Variants in LMOD1 observed in about 807,000 individuals in gnomAD.
The protein encoded by LMOD1 is leiomodin-1.
Under a neutral mutation model 36.5 loss-of-function variants are expected in LMOD1, and 8 were observed. The observed-to-expected ratio is 0.22, with a 90% CI of 0.13 to 0.40. The LOEUF is 0.40. Ranked by LOEUF, LMOD1 falls within the 10% of genes least tolerant of loss-of-function variation. The pLI, the probability that LMOD1 is intolerant of heterozygous loss-of-function variation, is 1.00. For missense variants in LMOD1, 630 were observed against 751.1 expected (o/e 0.84, Z 1.88); for synonymous variants, 284 against 288.7 (o/e 0.98, Z 0.17).
chr1:201,918,383 T>G (rs573631002), intron 1 of LMOD1, among the ~76,000 whole-genome samples: 1 of 152,306 alleles, frequency 6.6e-6, no homozygotes, highest in Admixed American at 6.5e-5. Context: ...GAAAGACCTT[T>G]CAAAATGTGA....
intron 1 of LMOD1, among the ~76,000 whole-genome samples, chr1:201,941,154 G>C (rs939471610): frequency 4.0e-5 from 6 of 150,210 alleles, no homozygotes; most frequent in African/African-American, 1.5e-4. Context: ...ATGGGGTCTT[G>C]CTATGTTGCC....
chr1:201,898,484 C>A, intron 2 of LMOD1, 86 bp from the exon 3 acceptor site: 3 of 1,192,056 alleles, frequency 2.5e-6, no homozygotes, highest in Non-Finnish European at 2.4e-6. Flanking sequence ...CAAGACACTG[C>A]AATATGTTAT....
intron 1 of LMOD1, among the ~76,000 whole-genome samples, chr1:201,919,199 T>C (rs1681658163): frequency 6.7e-6 from 1 of 149,298 alleles, no homozygotes; most frequent in African/African-American, 2.5e-5. Flanking sequence ...TCAGTGTGTA[T>C]CTCTAAAAGA....
At chr1:201,938,321 G>A (rs1400993718) in intron 1 of LMOD1, among the ~76,000 whole-genome samples, 1 of 151,946 alleles carries the variant, frequency 6.6e-6, no homozygotes, top group Middle Eastern at 3.2e-3. Flanking sequence ...TAGAGACGGG[G>A]TTTCTCTATG....
intron 1 of LMOD1, among the ~76,000 whole-genome samples, chr1:201,925,653 A>G (rs546225860): frequency 6.9e-6 from 1 of 145,740 alleles, no homozygotes; most frequent in African/African-American, 2.5e-5. Context: ...GAAATTTTTC[A>G]AGGCTGGAGG....
intron 1 of LMOD1, among the ~76,000 whole-genome samples, chr1:201,906,345 TC>T (rs1558235868): frequency 6.6e-6 from 1 of 151,850 alleles, no homozygotes; most frequent in Admixed American, 6.6e-5. Flanking sequence ...CCTGCATCAG[TC>T]CCCCCACCCG....
chr1:201,940,017 C>T (rs1216141021), intron 1 of LMOD1, among the ~76,000 whole-genome samples: 1 of 152,134 alleles, frequency 6.6e-6, no homozygotes, highest in Non-Finnish European at 1.5e-5. Context: ...AAGCCTCCAG[C>T]CTTCTCTGAT....
At position 201,946,314 on chromosome 1, in the gene LMOD1, CCGG is replaced by C. The variant is rs1682212088; in HGVS notation, c.24_26del (p.Arg9del). ...CGATGTCGGGGTCTTCACTCACCTG[CCGG>C]CGATATTTGGCTACTCTAGACATCT... is the stretch of plus-strand genomic sequence containing the variant. On this transcript the variant is annotated inframe_deletion, in exon 1 of 3. Transcript: ENST00000367288. The C allele has an allele frequency of 5.0e-6, 8 of 1,613,860 alleles. No homozygotes were observed. The Admixed American group carries it at 1.3e-4, about 27-fold the overall frequency.
chr1:201,946,106 G>GT lies in LMOD1; in HGVS notation c.234dup (p.Leu79ThrfsTer10). ...TCCATGGACATCTCCCTCTGCATAA[G>GT]TTTCTTGGTCTCCTTTTCACAGAAG... On this transcript the variant is annotated frameshift_variant, in exon 1 of 3. Coordinates refer to ENST00000367288, the MANE Select transcript of LMOD1 (RefSeq NM_012134.3). LOFTEE classifies it high-confidence loss of function. 6.2e-7 allele frequency: 1 copy of GT among 1,613,948 alleles called. No individual in the cohort carries two copies. The highest frequency in any genetic ancestry group is 1.1e-5 in the South Asian group (1 of 91,090).
At chr1:201,933,464 T>A (rs1360585364) in intron 1 of LMOD1, among the ~76,000 whole-genome samples, 2 of 148,870 alleles carry the variant, frequency 1.3e-5, no homozygotes, top group African/African-American at 4.9e-5. Context: ...GTCACAAACA[T>A]AAAGTTGAGT....
chr1:201,931,196 G>T (rs1351285142), intron 1 of LMOD1, among the ~76,000 whole-genome samples: 1 of 152,216 alleles, frequency 6.6e-6, no homozygotes, highest in Non-Finnish European at 1.5e-5. Context: ...GTGGGTTTGG[G>T]TAATAGTCTG....
chr1:201,904,904 C>T (rs1469836038), intron 1 of LMOD1, among the ~76,000 whole-genome samples: 2 of 152,170 alleles, frequency 1.3e-5, no homozygotes, highest in Non-Finnish European at 2.9e-5. Context: ...CTGCTTCCTT[C>T]GTGCTAATCT....
At chr1:201,945,875 A>G (rs1485163743) in intron 1 of LMOD1, among the ~76,000 whole-genome samples, 1 of 152,180 alleles carries the variant, frequency 6.6e-6, no homozygotes, top group African/African-American at 2.4e-5. Flanking sequence ...TGTTCCTCCA[A>G]CATATCCGAC....
chr1:201,900,307 C>T lies in LMOD1; in HGVS notation c.706G>A (p.Gly236Ser), dbSNP rs766105756. The change falls in exon 2 of 3, where the codon GGT (glycine) becomes AGT (serine). Residue 236 changes from glycine (G) to serine (S), a missense_variant. Physicochemically the swap from Gly to Ser is moderately conservative, Grantham distance 56 (BLOSUM62 0). This residue lies in a region of LMOD1 where 405 missense variants were observed against 400.6 expected (regional missense o/e 1.01). Transcript: ENST00000367288. ...CCACCTGCTCTTTTCATCTTCTCAC[C>T]CTCTTTTCTGGTGTCTGTGTTCCTA... ...ERRNTDTRKEGEKMKRAGGNT... is the reference protein window; with the variant it reads ...ERRNTDTRKESEKMKRAGGNT... The T allele has an allele frequency of 6.2e-7, 1 of 1,603,388 alleles. No individual in the cohort carries two copies. The highest frequency in any genetic ancestry group is 8.5e-7 in the Non-Finnish European group (1 of 1,174,430).
intron 1 of LMOD1, among the ~76,000 whole-genome samples, chr1:201,919,537 G>T (rs1347791418): frequency 6.6e-6 from 1 of 152,104 alleles, no homozygotes; most frequent in Non-Finnish European, 1.5e-5. Flanking sequence ...CTCTGTGTCA[G>T]AAAGCCCATT....
intron 1 of LMOD1, among the ~76,000 whole-genome samples, chr1:201,930,537 G>GA (rs1306209363): frequency 3.9e-5 from 6 of 152,066 alleles, no homozygotes; most frequent in African/African-American, 1.4e-4. Context: ...AACACAGGAG[G>GA]AAAAACAGGT....
chr1:201,925,667 GT>G (rs57789702), intron 1 of LMOD1, among the ~76,000 whole-genome samples: 63 of 139,468 alleles, frequency 4.5e-4, no homozygotes, highest in African/African-American at 6.1e-4. Context: ...CTGGAGGCTT[GT>G]TTTTTTTTTT....
intron 1 of LMOD1, among the ~76,000 whole-genome samples, chr1:201,923,477 T>TC (rs1187253864): frequency 6.6e-6 from 1 of 152,068 alleles, no homozygotes; most frequent in African/African-American, 2.4e-5. Context: ...TCCCAGCTAC[T>TC]CAGGAGTCTG....
intron 1 of LMOD1, among the ~76,000 whole-genome samples, 153 bp downstream of exon 1, chr1:201,945,927 C>G (rs2819370): frequency 6.6e-6 from 1 of 151,924 alleles, no homozygotes; most frequent in African/African-American, 2.4e-5. Context: ...AGATTCGCAC[C>G]GCTAGTTCAG....
Sources: gnomAD v4.1 joint callset for allele counts (sites outside exome capture counted in the v4.1 genomes callset) on GRCh38, gnomAD v4.1.1 for gene constraint, gnomAD v4.1.1 regional missense constraint, MANE v1.5 for transcripts, NCBI Gene and HGNC (gene_info 2026-07-23, HGNC 2026-07-21) for gene names.